ZAN: variants seen among roughly 807,000 people sequenced by gnomAD.
ZAN encodes the protein zonadhesin, also known as zonadhesin (gene/pseudogene).
Under a neutral mutation model 286.2 loss-of-function variants are expected in ZAN, and 260 were observed. That is an observed-to-expected ratio of 0.91 (90% CI 0.82 to 1.01). The LOEUF is 1.01. Among genes scored for constraint, ZAN ranks in the 50% least tolerant of loss-of-function variants. ZAN has a pLI of 0.00. For synonymous variants in ZAN, 1,368 were observed against 1,417.5 expected (o/e 0.97, Z 0.79); for missense variants, 3,410 against 3,639.2 (o/e 0.94, Z 1.62).
chr7:100,740,306 T>TTA lies in ZAN; in HGVS notation c.766+1693_766+1694insTA, dbSNP rs1198739922. ...TCTGACTTATTTATTTTTTTTTTTT[T>TTA]AATTTATTTTTTTATTGATAATTCT... On this transcript the variant is annotated intron_variant, in intron 7 of 47. Coordinates refer to ENST00000613979, the MANE Select transcript of ZAN (RefSeq NM_003386.3). 6.0e-3 allele frequency among the ~76,000 whole-genome samples: 781 copies of TTA among 130,538 alleles called. 106 individuals are homozygous for TTA. Among genetic ancestry groups the TTA allele is most frequent in the African/African-American group, 0.021 (719 of 33,708 alleles). The allele number at this position is 130,538 out of a possible 152,430, so 85.6% of individuals were successfully genotyped here.
In ZAN at chr7:100,752,069, C is replaced by G; in HGVS notation, c.1964C>G (p.Thr655Ser). 1 of 1,612,978 alleles carries G rather than the reference C, an allele frequency of 6.2e-7. No homozygotes were observed. The highest frequency in any genetic ancestry group is 8.5e-7 in the Non-Finnish European group (1 of 1,179,728). The change falls in exon 14 of 48, where the codon ACC becomes AGC. Residue 655 changes from threonine (T) to serine (S), a missense_variant. Around this residue, in one of 7 missense-constraint regions of ZAN, gnomAD observed 872 missense variants for 938.9 expected, o/e 0.93. Coordinates refer to ENST00000613979, the MANE Select transcript of ZAN (RefSeq NM_003386.3). ...EKPTISTEKP[T>S]VPTEEPTTPT... ...CCCACCATTTCCACAGAAAAACCCA[C>G]CGTCCCCACAGAAGAGCCCACCACC...
At chr7:100,784,593 C>G (rs1262338804) in intron 35 of ZAN, 30 bp from the exon 36 acceptor site, 3 of 1,610,336 alleles carry the variant, frequency 1.9e-6, no homozygotes. Flanking sequence ...GTGACCCTCT[C>G]CACTGACCCA....
intron 30 of ZAN, 111 bp downstream of exon 30, chr7:100,773,604 G>A (rs1810541724): frequency 1.3e-6 from 2 of 1,541,634 alleles, no homozygotes; most frequent in Non-Finnish European, 8.8e-7. Context: ...GGGCAGGGCT[G>A]GCCAAGGCTG....
Position 100,759,851 on chromosome 7 carries a change from C to A in ZAN, c.3696+6C>A. ...TTAAGGGCAGACGCACTCTGGTGAG[C>A]CCCATTCCACCCCCACCATCCTTGC... On this transcript the variant is annotated splice_donor_region_variant and intron_variant, in intron 18 of 47. Transcript: ENST00000613979. The A allele has an allele frequency of 6.2e-7, 1 of 1,611,190 alleles. No individual in the cohort carries two copies.
At chr7:100,768,080 C>T in intron 26 of ZAN, 69 bp downstream of exon 26, 1 of 1,516,802 alleles carries the variant, frequency 6.6e-7, no homozygotes, top group Non-Finnish European at 8.9e-7. Context: ...TCCCAGCTCC[C>T]CCAACATCTC....
At chr7:100,778,234 G>C (rs1031975926) in intron 34 of ZAN, among the ~76,000 whole-genome samples, 2 of 152,190 alleles carry the variant, frequency 1.3e-5, no homozygotes, top group African/African-American at 2.4e-5. Flanking sequence ...TTGAGTCCGA[G>C]ATTTGAAGGC....
intron 37 of ZAN, among the ~76,000 whole-genome samples, chr7:100,787,371 G>A (rs570689640): frequency 6.6e-6 from 1 of 152,082 alleles, no homozygotes; most frequent in South Asian, 2.1e-4. Flanking sequence ...AGCTATGATC[G>A]TACCACTTGT....
At chr7:100,766,919 G>A in intron 24 of ZAN, 91 bp from the exon 25 acceptor site, 7 of 1,566,194 alleles carry the variant, frequency 4.5e-6, no homozygotes, top group South Asian at 2.4e-5. Flanking sequence ...TGGGGACCAT[G>A]CCAATGTGGG....
At chr7:100,776,005 C>CCAGGAAAAAA (rs1810756580) in intron 33 of ZAN, among the ~76,000 whole-genome samples, 172 bp downstream of exon 33, 1 of 151,778 alleles carries the variant, frequency 6.6e-6, no homozygotes, top group Non-Finnish European at 1.5e-5. Context: ...AAGAGTGTTT[C>CCAGGAAAAAA]CAGGAAAAAA....
In ZAN at chr7:100,765,471, AAT is replaced by A. The variant is rs1374508394; in HGVS notation, c.4388_4389del (p.Asn1463ThrfsTer44). The A allele has an allele frequency of 3.1e-6, 5 of 1,613,396 alleles. No homozygotes were observed. The Admixed American group carries it at 8.3e-5, about 27-fold the overall frequency. The part of the protein sequence containing the change: ...SDRCVEACEC[N>X]PGFVLSGLEC... ...CCGGTGCGTGGAGGCCTGTGAATGCAATCCGGGCTTCGTCCTCAGTGGCCTCG... is the reference window on the plus strand; with the variant it reads ...CCGGTGCGTGGAGGCCTGTGAATGCACCGGGCTTCGTCCTCAGTGGCCTCG... On this transcript the variant is annotated frameshift_variant, in exon 23 of 48. Transcript: ENST00000613979. LOFTEE classifies it high-confidence loss of function.
At chr7:100,791,392 T>TCTC (rs932459630) in intron 40 of ZAN, among the ~76,000 whole-genome samples, 3 of 151,234 alleles carry the variant, frequency 2.0e-5, no homozygotes, top group South Asian at 2.1e-4. Context: ...TCCTCCTCCT[T>TCTC]CTCCTCCTCC....
Position 100,773,299 on chromosome 7 carries a change from C to T in ZAN, c.5440C>T (p.Pro1814Ser), listed in dbSNP as rs552220434. 3.1e-6 allele frequency: 5 copies of T among 1,613,532 alleles called. No homozygotes were observed. Among genetic ancestry groups the T allele is most frequent in the South Asian group, 1.1e-5 (1 of 91,082 alleles). Residue 1814 changes from proline (P) to serine (S), a missense_variant, in exon 30 of 48, where the codon CCT (proline) becomes TCT (serine). Around this residue, in one of 7 missense-constraint regions of ZAN, gnomAD observed 1,289 missense variants for 1,314.3 expected, o/e 0.98. Coordinates refer to ENST00000613979, the MANE Select transcript of ZAN (RefSeq NM_003386.3). Reference sequence around the variant, plus strand: ...ATTTTCTTTAGCTATGAGGTGCCCACCTGGCAGCAGCTACAGCCCCTGCAG... The same window carrying T: ...ATTTTCTTTAGCTATGAGGTGCCCATCTGGCAGCAGCTACAGCCCCTGCAG... ...NRTFCPMRCP[P>S]GSSYSPCSSP...
chr7:100,783,864 T>C (rs1811387453), intron 35 of ZAN, among the ~76,000 whole-genome samples: 1 of 140,858 alleles, frequency 7.1e-6, no homozygotes, highest in African/African-American at 2.6e-5. Context: ...AATGTGTACA[T>C]TCACTGAGGC....
chr7:100,771,963 G>C lies in ZAN; in HGVS notation c.5368G>C (p.Ala1790Pro). ...CCTGTGCCGCTCCCTGCAGGCCTAC[G>C]CGTCCCTGTGTGCCCAGGCTGGCCA... The part of the protein sequence containing the change: ...TALCRSLQAY[A>P]SLCAQAGQAP... The change falls in exon 29 of 48, where the codon GCG becomes CCG. Residue 1790 changes from alanine (A) to proline (P), a missense_variant. Physicochemically the swap from Ala to Pro is conservative, Grantham distance 27 (BLOSUM62 -1). Coordinates refer to ENST00000613979, the MANE Select transcript of ZAN (RefSeq NM_003386.3). 1 of 1,610,102 alleles carries C rather than the reference G, an allele frequency of 6.2e-7. No homozygotes were observed. The highest frequency in any genetic ancestry group is 1.7e-4 in the Middle Eastern group (1 of 6,054).
intron 15 of ZAN, among the ~76,000 whole-genome samples, chr7:100,756,119 C>T (rs1342697228): frequency 1.3e-5 from 2 of 152,036 alleles, no homozygotes; most frequent in African/African-American, 4.8e-5. Flanking sequence ...AATCTTTTAT[C>T]CATATTTATA....
rs1808366736 is a variant in ZAN, at chr7:100,748,220, G to T, written c.1102+5G>T. 3.1e-6 allele frequency: 5 copies of T among 1,613,818 alleles called. No individual in the cohort carries two copies. Among genetic ancestry groups the T allele is most frequent in the Non-Finnish European group, 3.4e-6 (4 of 1,179,884 alleles). Reference sequence around the variant, plus strand: ...CCAGCATTGCTCCTTGTGGGGGTGAGAGCAGGCCCTGAGAGGCCCGGATCT... The same window carrying T: ...CCAGCATTGCTCCTTGTGGGGGTGATAGCAGGCCCTGAGAGGCCCGGATCT... On this transcript the variant is annotated splice_donor_5th_base_variant and intron_variant, in intron 10 of 47. Transcript: ENST00000613979.
chr7:100,755,422 G>T lies in ZAN; in HGVS notation c.3309+12G>T. On this transcript the variant is annotated intron_variant, in intron 15 of 47. Transcript: ENST00000613979. ...ACGACTACTATGAGGTAAGCCCCCC[G>T]GGATGCTGGGGTCCCATGAGGGAGA... is the stretch of plus-strand genomic sequence containing the variant. 1.2e-6 allele frequency: 2 copies of T among 1,609,830 alleles called. No homozygotes were observed. Among genetic ancestry groups the T allele is most frequent in the South Asian group, 2.2e-5 (2 of 90,576 alleles).
At position 100,792,456 on chromosome 7, in the gene ZAN, G is replaced by A. The variant is rs767973197; in HGVS notation, c.7764G>A (p.Glu2588=). ...CTCAGGACCCAAGAGAGCAAGAGGA[G>A]CTGCGTTGCCAGGTCCTCAGTGGGT... ...CSAQDPREQE[E]LRCQVLSGHG... The change falls in exon 42 of 48, where the codon GAG becomes GAA. Residue 2588 remains glutamate, a synonymous_variant. Transcript: ENST00000613979. 12 of 1,613,882 alleles carry A rather than the reference G, an allele frequency of 7.4e-6. No homozygotes were observed. Among genetic ancestry groups the A allele is most frequent in the Non-Finnish European group, 1.0e-5 (12 of 1,179,864 alleles).
chr7:100,753,318 C>G (rs953970279), intron 14 of ZAN, 89 bp downstream of exon 14: 8 of 1,398,890 alleles, frequency 5.7e-6, no homozygotes, highest in Non-Finnish European at 5.7e-6. Flanking sequence ...CTGGTAGAAG[C>G]CTTCTAGTTG....
Sources: allele counts gnomAD v4.1 joint callset (sites outside exome capture counted in the v4.1 genomes callset), GRCh38; gene constraint gnomAD v4.1.1; regional missense constraint gnomAD v4.1.1; transcripts MANE v1.5; gene names NCBI Gene and HGNC (gene_info 2026-07-23, HGNC 2026-07-21).